Variants in DNPEP observed in about 807,000 individuals in gnomAD.
DNPEP encodes aspartyl aminopeptidase.
DNPEP carries 46 observed loss-of-function variants against 59.1 expected under a neutral mutation model. The observed-to-expected ratio is 0.78, with a 90% confidence interval of 0.61 to 0.99. DNPEP has a LOEUF of 0.99. Ranked by LOEUF, DNPEP falls within the 50% of genes least tolerant of loss-of-function variation. The pLI, the probability that DNPEP is intolerant of heterozygous loss-of-function variation, is 0.00. For synonymous variants in DNPEP, 229 were observed against 242.2 expected (o/e 0.95, Z 0.50); for missense variants, 617 against 649.9 (o/e 0.95, Z 0.55).
Position 219,387,910 on chromosome 2 carries a change from T to C in DNPEP, c.-116A>G. ...CCGCACTCGTAGGCCTTCATCACGC[T>C]TCCCCGGCCGCGCCGCCCCGCCCCA... is the stretch of plus-strand genomic sequence containing the variant. On this transcript the variant is annotated 5_prime_UTR_variant, in exon 1 of 15. Coordinates refer to ENST00000273075, the MANE Select transcript of DNPEP (RefSeq NM_012100.4). The C allele has an allele frequency of 1.5e-6, 2 of 1,356,458 alleles. No individual in the cohort carries two copies. Among genetic ancestry groups the C allele is most frequent in the Non-Finnish European group, 1.9e-6 (2 of 1,060,046 alleles). 84.0% of individuals were successfully genotyped at this position (1,356,458 alleles called of 1,614,324 possible). A position where few individuals can be genotyped will look rare whatever the true frequency, so the allele number is the denominator to read the frequency against.
Position 219,374,943 on chromosome 2 carries a change from A to G in DNPEP, c.1319T>C (p.Leu440Pro). The change falls in exon 14 of 15, where the codon CTG becomes CCG. Residue 440 changes from leucine (L) to proline (P), a missense_variant. Leu to Pro is a moderately conservative substitution (Grantham distance 98). Transcript: ENST00000273075. Reference sequence around the variant, plus strand: ...GGCCAGTTGGGGGCTGCCTAAATCCAGCACCCGCAGCCCCAGCCGAGAAGC... The same window carrying G: ...GGCCAGTTGGGGGCTGCCTAAATCCGGCACCCGCAGCCCCAGCCGAGAAGC... ...ILASRLGLRVLDLGSPQLAMH... is the reference protein window; with the variant it reads ...ILASRLGLRVPDLGSPQLAMH... The G allele has an allele frequency of 6.2e-7, 1 of 1,614,158 alleles. No individual in the cohort carries two copies. Among genetic ancestry groups the G allele is most frequent in the Non-Finnish European group, 8.5e-7 (1 of 1,180,030 alleles).
rs1463631981 is a variant in DNPEP at position 219,387,513 on chromosome 2, T to A, written c.36+246A>T. ...TGAGGCGGCCTGCATCACGTGCGCG[T>A]ACCCAGCCCGGAGCCAAAGCCCTGT... On this transcript the variant is annotated intron_variant, in intron 1 of 14. Transcript: ENST00000273075. 4 of 1,438,744 alleles carry A rather than the reference T, an allele frequency of 2.8e-6. No homozygotes were observed. In the African/African-American group the frequency reaches 4.3e-5, roughly 16 times the overall value. 89.1% of individuals were successfully genotyped at this position (1,438,744 alleles called of 1,614,324 possible).
At position 219,383,195 on chromosome 2, in the gene DNPEP, GCA is replaced by G; in HGVS notation, c.870_871del (p.Ala291ArgfsTer18). The stretch of plus-strand genomic sequence containing the variant: ...CTCTGTGGCCAGGGAGCCAGGGCCT[GCA>G]CAGGAATCTATCAAGGCCTGGTTCA... On this transcript the variant is annotated frameshift_variant, in exon 10 of 15. Transcript: ENST00000273075. LOFTEE classifies it high-confidence loss of function. 6.2e-7 allele frequency: 1 copy of G among 1,614,162 alleles called. No homozygotes were observed. The highest frequency in any genetic ancestry group is 1.3e-5 in the African/African-American group (1 of 75,062).
intron 4 of DNPEP, 67 bp from the exon 5 acceptor site, chr2:219,386,478 C>A (rs1953841532): frequency 1.2e-6 from 2 of 1,603,702 alleles, no homozygotes; most frequent in Non-Finnish European, 1.7e-6. Flanking sequence ...ACTTTGGCTA[C>A]TCATAAGTAA....
chr2:219,383,088 G>A (rs1437211951), intron 10 of DNPEP, 43 bp downstream of exon 10: 1 of 1,579,204 alleles, frequency 6.3e-7, no homozygotes, highest in South Asian at 1.1e-5. Context: ...GTTGGCTGTG[G>A]AAGACTCCGC....
intron 10 of DNPEP, 97 bp downstream of exon 10, chr2:219,383,034 C>T (rs1953663214): frequency 3.6e-6 from 4 of 1,116,072 alleles, no homozygotes; most frequent in East Asian, 2.5e-5. Context: ...TGTCTTGGGG[C>T]CCCCAGAAGA....
At chr2:219,387,263 C>T (rs1953887758) in intron 1 of DNPEP, 100 bp from the exon 2 acceptor site, 4 of 1,492,574 alleles carry the variant, frequency 2.7e-6, no homozygotes, top group African/African-American at 2.8e-5. Flanking sequence ...GAAGTGACCA[C>T]TCTAAGGCAC....
upstream of DNPEP, among the ~76,000 whole-genome samples, chr2:219,391,537 ATAATT>A (rs1288100938): frequency 1.3e-5 from 2 of 152,194 alleles, no homozygotes; most frequent in Non-Finnish European, 2.9e-5. Context: ...TATCTGTAAT[ATAATT>A]TATTTAATTG....
At chr2:219,385,768 T>A in intron 6 of DNPEP, 62 bp from the exon 7 acceptor site, 1 of 1,474,300 alleles carries the variant, frequency 6.8e-7, no homozygotes, top group Non-Finnish European at 9.2e-7. Context: ...GCGGCATCCA[T>A]AAGTTCAGGT....
chr2:219,390,848 A>T (rs1954005797), upstream of DNPEP, among the ~76,000 whole-genome samples: 1 of 152,236 alleles, frequency 6.6e-6, no homozygotes. Context: ...AAATTAATAA[A>T]TAATAAAAAT....
At position 219,372,149 on chromosome 2, in the gene DNPEP, C is replaced by T. The variant is rs1055832871; in HGVS notation, c.*2143G>A. On this transcript the variant is annotated 3_prime_UTR_variant, in exon 15 of 15. Transcript: ENST00000273075. ...ACCATCTATACAATAAAATACTGTACGCCAATTGTAAGAGTAAATACAGTG... is the reference window on the plus strand; with the variant it reads ...ACCATCTATACAATAAAATACTGTATGCCAATTGTAAGAGTAAATACAGTG... Among the ~76,000 whole-genome samples the T allele has an allele frequency of 2.6e-5, 4 of 152,116 alleles. No individual in the cohort carries two copies. Among genetic ancestry groups the T allele is most frequent in the South Asian group, 2.1e-4 (1 of 4,822 alleles).
intron 13 of DNPEP, among the ~76,000 whole-genome samples, chr2:219,381,126 T>C (rs1400415364): frequency 6.6e-6 from 1 of 152,194 alleles, no homozygotes; most frequent in Non-Finnish European, 1.5e-5. Flanking sequence ...TCAGAAAGGT[T>C]AGGAGACTAG....
At chr2:219,388,687 G>A, upstream of DNPEP, 1 of 985,662 alleles carries the variant, frequency 1.0e-6, no homozygotes, top group Non-Finnish European at 1.2e-6. Flanking sequence ...TAAAAAGCTC[G>A]CCCCTCCAGC....
intron 1 of DNPEP, 178 bp downstream of exon 1, chr2:219,387,581 C>A: frequency 6.6e-7 from 1 of 1,512,674 alleles, no homozygotes; most frequent in Non-Finnish European, 8.9e-7. Flanking sequence ...CCCACCTAGT[C>A]TCTCGCAGGA....
chr2:219,399,775 A>G, intron 1 of DNPEP: 1 of 1,061,206 alleles, frequency 9.4e-7, no homozygotes, highest in Non-Finnish European at 1.4e-6. Flanking sequence ...TTATCCCCAT[A>G]ATGCCTAAGC....
intron 6 of DNPEP, 33 bp from the exon 7 acceptor site, chr2:219,385,739 G>A (rs535999154): frequency 2.1e-5 from 33 of 1,565,220 alleles, no homozygotes; most frequent in South Asian, 1.9e-4. Flanking sequence ...GGGGGATTGC[G>A]AGGAGGGCAC....
chr2:219,388,921 A>G, upstream of DNPEP: 1 of 964,584 alleles, frequency 1.0e-6, no homozygotes, highest in Non-Finnish European at 1.2e-6. Flanking sequence ...AGATACGGAG[A>G]CTAGTGATCC....
At chr2:219,377,242 C>G (rs974937556) in intron 13 of DNPEP, among the ~76,000 whole-genome samples, 14 of 122,678 alleles carry the variant, frequency 1.1e-4, no homozygotes, top group Non-Finnish European at 2.0e-4. Flanking sequence ...CCATTAGACT[C>G]CAGCCTGGGC....
upstream of DNPEP, chr2:219,388,737 C>T (rs536049583): frequency 6.2e-5 from 61 of 985,496 alleles, no homozygotes; most frequent in South Asian, 2.6e-3. Context: ...TGCTGTCTCT[C>T]GCCACAGCCA....
Sources: gnomAD v4.1 joint callset for allele counts (sites outside exome capture counted in the v4.1 genomes callset) on GRCh38, gnomAD v4.1.1 for gene constraint, MANE v1.5 for transcripts, NCBI Gene and HGNC (gene_info 2026-07-23, HGNC 2026-07-21) for gene names.